DEF8: variants seen among roughly 807,000 people sequenced by gnomAD.
DEF8 encodes the protein DEF-8.
In DEF8, 38 loss-of-function variants were observed where a neutral mutation model predicts 59.1. The ratio of observed to expected loss-of-function variants is 0.64; its 90% confidence interval spans 0.50 to 0.84. The LOEUF is 0.84. Ranked by LOEUF, DEF8 falls within the 40% of genes least tolerant of loss-of-function variation. DEF8 has a pLI of 0.00. For synonymous variants in DEF8, 265 were observed against 250.1 expected, an observed-to-expected ratio of 1.06 and a Z score of -0.56; for missense variants, 557 against 615.2, an observed-to-expected ratio of 0.91 and a Z score of 1.00.
intron 12 of DEF8, among the ~76,000 whole-genome samples, chr16:89,965,435 C>T (rs2151225145): frequency 6.6e-6 from 1 of 152,330 alleles, no homozygotes; most frequent in Middle Eastern, 3.4e-3. Context: ...TAGTCGTTTG[C>T]TCAGTGTCTG....
intron 4 of DEF8, 119 bp downstream of exon 4, chr16:89,955,385 A>C: frequency 1.3e-6 from 1 of 795,314 alleles, no homozygotes; most frequent in East Asian, 2.6e-5. Context: ...GCTGGGGTAC[A>C]GTCTCACTCC....
In DEF8 at chr16:89,964,271, C is replaced by T; in HGVS notation, c.1104C>T (p.Ile368=). The T allele has an allele frequency of 3.1e-6, 5 of 1,606,726 alleles. No homozygotes were observed. Among genetic ancestry groups the T allele is most frequent in the Non-Finnish European group, 4.2e-6 (5 of 1,176,838 alleles). The change falls in exon 11 of 13, where the codon ATC becomes ATT. Residue 368 remains isoleucine, a synonymous_variant. Transcript: ENST00000563594. ...AGRLGCSLTE[I]HTLFAKHIKL... is the part of the protein sequence containing the mutation. ...GCCTGGGCTGCTCGCTCACCGAGAT[C>T]CACACGCTCTTCGCCAAGCACATCA...
chr16:89,950,675 G>C (rs1344157329), intron 2 of DEF8, among the ~76,000 whole-genome samples: 1 of 152,108 alleles, frequency 6.6e-6, no homozygotes, highest in Non-Finnish European at 1.5e-5. Flanking sequence ...CACCGGCCAT[G>C]ATTCTTAAAA....
chr16:89,960,947 T>C lies in DEF8; in HGVS notation c.531T>C (p.Cys177=). Residue 177 remains cysteine (C), a synonymous_variant, in exon 7 of 13, where the codon TGT becomes TGC. Coordinates refer to ENST00000563594, the MANE Select transcript of DEF8 (RefSeq NM_001242818.2). ...CCACCCTAGGGTGTTATTACCGCTG[T>C]CACAGTAAGTGCTTGAACCTCATCT... ...WYTCTGCYYR[C]HSKCLNLISK... 6.2e-7 allele frequency: 1 copy of C among 1,613,900 alleles called. No individual in the cohort carries two copies. Among genetic ancestry groups the C allele is most frequent in the Non-Finnish European group, 8.5e-7 (1 of 1,179,956 alleles).
In DEF8 at chr16:89,967,614, T is replaced by C. The variant is rs1597547907; in HGVS notation, c.*1651T>C. 2 of 397,360 alleles carry C rather than the reference T, an allele frequency of 5.0e-6. No individual in the cohort carries two copies. Among genetic ancestry groups the C allele is most frequent in the Non-Finnish European group, 8.9e-6 (2 of 225,898 alleles). The allele number at this position is 397,360 out of a possible 1,614,324, so 24.6% of individuals were successfully genotyped here. On this transcript the variant is annotated 3_prime_UTR_variant, in exon 13 of 13. Coordinates refer to ENST00000563594, the MANE Select transcript of DEF8 (RefSeq NM_001242818.2). Reference sequence around the variant, plus strand: ...TTCCTGTCCTGTTTCCCCTTCCTCTTTGGGGCTGAGGAGGAGGTTAAAGGC... The same window carrying C: ...TTCCTGTCCTGTTTCCCCTTCCTCTCTGGGGCTGAGGAGGAGGTTAAAGGC...
Position 89,949,470 on chromosome 16 carries a change from C to T in DEF8, c.-54C>T, listed in dbSNP as rs899153577. 2 of 1,612,112 alleles carry T rather than the reference C, an allele frequency of 1.2e-6. No homozygotes were observed. Among genetic ancestry groups the T allele is most frequent in the Non-Finnish European group, 1.7e-6 (2 of 1,179,812 alleles). On this transcript the variant is annotated 5_prime_UTR_variant, in exon 2 of 13. Transcript: ENST00000563594. ...GTGGCCAGCAGCCCTAGAGGAATGG[C>T]CATCCTGTCCCTGCGAGCCCCTGGG...
chr16:89,954,526 T>G lies in DEF8; in HGVS notation c.124+150T>G, dbSNP rs1362161013. ...TGTGTTCTTTTTCCCATCTCTTCTG[T>G]GGTCGTGTGGTTTGTTTCTGTGTCC... On this transcript the variant is annotated intron_variant, in intron 3 of 12. Coordinates refer to ENST00000563594, the MANE Select transcript of DEF8 (RefSeq NM_001242818.2). The surrounding 1 kb of genome is among the most constrained non-coding windows in gnomAD (Gnocchi z 4.3). 1 of 877,712 alleles carries G rather than the reference T, an allele frequency of 1.1e-6. No homozygotes were observed. The highest frequency in any genetic ancestry group is 1.7e-6 in the Non-Finnish European group (1 of 586,660). The allele number at this position is 877,712 out of a possible 1,614,324, so 54.4% of individuals were successfully genotyped here.
In DEF8 at chr16:89,965,964, C is replaced by G; in HGVS notation, c.*1C>G. The G allele has an allele frequency of 1.9e-6, 3 of 1,610,012 alleles. No individual in the cohort carries two copies. Among genetic ancestry groups the G allele is most frequent in the Non-Finnish European group, 2.5e-6 (3 of 1,177,504 alleles). On this transcript the variant is annotated 3_prime_UTR_variant, in exon 13 of 13. Coordinates refer to ENST00000563594, the MANE Select transcript of DEF8 (RefSeq NM_001242818.2). Reference sequence around the variant, plus strand: ...GCCAGGTCCCGATGTGGAGGCCTAGCGCCGAGGAACAGTGCTGGGCACCCC... The same window carrying G: ...GCCAGGTCCCGATGTGGAGGCCTAGGGCCGAGGAACAGTGCTGGGCACCCC...
intron 6 of DEF8, 162 bp downstream of exon 6, chr16:89,959,317 C>G (rs546966747): frequency 2.0e-6 from 3 of 1,475,870 alleles, no homozygotes; most frequent in African/African-American, 1.4e-5. Flanking sequence ...GTTGTACTGT[C>G]TACATTGGAC....
intron 2 of DEF8, among the ~76,000 whole-genome samples, chr16:89,951,912 C>G (rs2032186391): frequency 6.6e-6 from 1 of 150,406 alleles, no homozygotes; most frequent in Non-Finnish European, 1.5e-5. Flanking sequence ...GAGTCTCGCT[C>G]TGTTGCCCAG....
chr16:89,949,075 G>GGGGTCGGGGCT (rs2031394984), intron 1 of DEF8, among the ~76,000 whole-genome samples: 2 of 102,924 alleles, frequency 1.9e-5, no homozygotes, highest in Non-Finnish European at 2.3e-5. Context: ...CGGGGCCGGC[G>GGGGTCGGGGCT]GGGACGGGGC....
intron 10 of DEF8, 164 bp from the exon 11 acceptor site, chr16:89,964,006 C>T (rs868036920): frequency 1.1e-6 from 1 of 929,620 alleles, no homozygotes; most frequent in Non-Finnish European, 1.7e-6. Context: ...TCCATCTTCC[C>T]CTGTCGGCTT....
rs1049699868 is a variant in DEF8 at position 89,957,638 on chromosome 16, G to T, written c.350G>T (p.Arg117Leu). 6.4e-7 allele frequency: 1 copy of T among 1,568,096 alleles called. No individual in the cohort carries two copies. ...KDAVVRLIHLRLKLQELKDPN... is the reference protein window; with the variant it reads ...KDAVVRLIHLLLKLQELKDPN... ...GCCGTGGTGCGACTCATCCACCTCC[G>T]GCTGAAGCTCCAGGAGCTGAAGGTG... is the stretch of plus-strand genomic sequence containing the variant. Residue 117 changes from arginine to leucine, a missense_variant, in exon 5 of 13, where the codon CGG becomes CTG. Physicochemically the swap from Arg to Leu is moderately radical, Grantham distance 102 (BLOSUM62 -2). Transcript: ENST00000563594.
rs2151186558 is a variant in DEF8, at chr16:89,959,113, A to G, written c.472A>G (p.Thr158Ala). 6.2e-7 allele frequency: 1 copy of G among 1,613,898 alleles called. No homozygotes were observed. The highest frequency in any genetic ancestry group is 1.1e-5 in the South Asian group (1 of 91,082). Reference protein sequence around the residue: ...SVKQTCDKCNTIIWGLIQTWY... With the variant: ...SVKQTCDKCNAIIWGLIQTWY... ...CAAGCAGACCTGTGACAAGTGTAACACCATCATCTGGGGGCTCATTCAGAC... is the reference window on the plus strand; with the variant it reads ...CAAGCAGACCTGTGACAAGTGTAACGCCATCATCTGGGGGCTCATTCAGAC... Residue 158 changes from threonine (T) to alanine (A), a missense_variant, in exon 6 of 13, where the codon ACC becomes GCC. Coordinates refer to ENST00000563594, the MANE Select transcript of DEF8 (RefSeq NM_001242818.2).
At chr16:89,963,330 G>T in intron 9 of DEF8, 33 bp from the exon 10 acceptor site, 1 of 1,604,910 alleles carries the variant, frequency 6.2e-7, no homozygotes. Context: ...TGTCCTGGCT[G>T]AGGAGGCCTG....
At chr16:89,963,703 C>T (rs1373215040) in intron 10 of DEF8, 1 of 541,882 alleles carries the variant, frequency 1.8e-6, no homozygotes, top group Non-Finnish European at 3.3e-6. Flanking sequence ...GGCAGGTTGA[C>T]CACAAAACAC....
At chr16:89,962,523 GGT>G (rs2034164544) in intron 9 of DEF8, among the ~76,000 whole-genome samples, 2 of 152,026 alleles carry the variant, frequency 1.3e-5, no homozygotes, top group Admixed American at 6.6e-5. Flanking sequence ...CGGGCATGGT[GGT>G]GTGTGCCTGT....
rs1197382139 is a variant in DEF8 at position 89,948,800 on chromosome 16, C to T, written c.-122C>T. ...ATCCAGCGCAGCCGGGAGACAGATG[C>T]GAGGCGGCGGTCAGGTGAGCGGCGC... is the stretch of plus-strand genomic sequence containing the variant. On this transcript the variant is annotated 5_prime_UTR_variant, in exon 1 of 13. It introduces an in-frame stop codon into an upstream open reading frame of the 5' UTR. Coordinates refer to ENST00000563594, the MANE Select transcript of DEF8 (RefSeq NM_001242818.2). 2.0e-6 allele frequency: 2 copies of T among 980,374 alleles called. No individual in the cohort carries two copies. The highest frequency in any genetic ancestry group is 9.2e-5 in the South Asian group (2 of 21,822). 60.7% of individuals were successfully genotyped at this position (980,374 alleles called of 1,614,324 possible).
intron 2 of DEF8, chr16:89,950,057 T>C: frequency 6.0e-6 from 6 of 998,846 alleles, no homozygotes; most frequent in Non-Finnish European, 6.0e-6. Context: ...AAAGATGCCT[T>C]TTTTCACAGC....
Sources: gnomAD v4.1 joint callset for allele counts (sites outside exome capture counted in the v4.1 genomes callset) on GRCh38, gnomAD v4.1.1 for gene constraint, Gnocchi (gnomAD v3.1) non-coding constraint, MANE v1.5 for transcripts, NCBI Gene and HGNC (gene_info 2026-07-23, HGNC 2026-07-21) for gene names.